The following SLC14A1 variants were observed in gnomAD, a reference collection of about 807,000 sequenced individuals.
SLC14A1 encodes the protein urea transporter 1.
A neutral mutation model predicts 39.6 loss-of-function variants in SLC14A1; 36 were observed. The ratio of observed to expected loss-of-function variants is 0.91; its 90% CI spans 0.70 to 1.20. SLC14A1 has a LOEUF of 1.20. Among genes scored for constraint, SLC14A1 ranks in the 50% most tolerant of loss-of-function variants. SLC14A1 has a pLI of 0.00. For synonymous variants in SLC14A1, 164 were observed against 173.6 expected (o/e 0.94, Z 0.43); for missense variants, 469 against 478.7 (o/e 0.98, Z 0.19).
rs9948825 is a variant in SLC14A1 at position 45,736,496 on chromosome 18, T to C, written c.511T>C (p.Trp171Arg). 1,291 of 1,614,206 alleles carry C rather than the reference T, an allele frequency of 8.0e-4. 5 individuals are homozygous for C. In the African/African-American group the frequency reaches 0.015, roughly 18 times the overall value. Residue 171 changes from tryptophan to arginine, a missense_variant, in exon 6 of 10, where the codon TGG becomes CGG. By Grantham distance (101) the Trp-to-Arg change is moderately radical. Coordinates refer to ENST00000321925, the MANE Select transcript of SLC14A1 (RefSeq NM_015865.7). ...TGCATTGAATTCCATGCTCAGCAAATGGGACCTCCCCGTCTTCACCCTCCC... is the reference window on the plus strand; with the variant it reads ...TGCATTGAATTCCATGCTCAGCAAACGGGACCTCCCCGTCTTCACCCTCCC... ...SSALNSMLSK[W>R]DLPVFTLPFN...
At chr18:45,746,597 G>A (rs1568047790) in intron 8 of SLC14A1, among the ~76,000 whole-genome samples, 1 of 152,174 alleles carries the variant, frequency 6.6e-6, no homozygotes, top group Non-Finnish European at 1.5e-5. Context: ...GGGACAGAGG[G>A]CCCCAGTGCT....
In SLC14A1 at chr18:45,739,157, T is replaced by G. The variant is rs2047282476; in HGVS notation, c.664-6T>G. On this transcript the variant is annotated splice_region_variant and splice_polypyrimidine_tract_variant and intron_variant, in intron 6 of 9. Transcript: ENST00000321925. ...TAGCCTCATTTTTCTTAAATTTCTT[T>G]TGCAGTTGTTGAAATCTATACCAGT... 1.2e-6 allele frequency: 2 copies of G among 1,614,082 alleles called. No individual in the cohort carries two copies. Among genetic ancestry groups the G allele is most frequent in the Non-Finnish European group, 1.7e-6 (2 of 1,180,022 alleles).
In SLC14A1 at chr18:45,734,317, G is replaced by C; in HGVS notation, c.385G>C (p.Val129Leu). The C allele has an allele frequency of 6.2e-7, 1 of 1,614,062 alleles. No individual in the cohort carries two copies. Among genetic ancestry groups the C allele is most frequent in the Non-Finnish European group, 8.5e-7 (1 of 1,179,990 alleles). ...GCTCTATGGCTACAATGCCACCCTG[G>C]TGGGAGTACTCATGGCTGTCTTTTC... ...SGLYGYNATL[V>L]GVLMAVFSDK... The change falls in exon 5 of 10, where the codon GTG (valine) becomes CTG (leucine). Residue 129 changes from valine (V) to leucine (L), a missense_variant. Coordinates refer to ENST00000321925, the MANE Select transcript of SLC14A1 (RefSeq NM_015865.7).
At chr18:45,736,014 T>C (rs2047183467) in intron 5 of SLC14A1, among the ~76,000 whole-genome samples, 1 of 152,178 alleles carries the variant, frequency 6.6e-6, no homozygotes, top group African/African-American at 2.4e-5. Flanking sequence ...CCTTGAACGA[T>C]TGTTTCTCTT....
At chr18:45,746,838 C>G (rs770170623) in intron 8 of SLC14A1, among the ~76,000 whole-genome samples, 1 of 152,138 alleles carries the variant, frequency 6.6e-6, no homozygotes, top group Non-Finnish European at 1.5e-5. Context: ...TTCAAGGTGC[C>G]TTTTTACAGA....
Position 45,739,813 on chromosome 18 carries a change from G to A in SLC14A1, c.946+151G>A, listed in dbSNP as rs16978477. On this transcript the variant is annotated intron_variant, in intron 8 of 9. Transcript: ENST00000321925. ...TAAGTGTGTGAACAGGACAAGTGACGTCCCCTCTCTGAGAGCATTAAAATC... is the reference window on the plus strand; with the variant it reads ...TAAGTGTGTGAACAGGACAAGTGACATCCCCTCTCTGAGAGCATTAAAATC... The A allele has an allele frequency of 9.8e-3, 9,029 of 918,654 alleles. 577 individuals carry two copies. The African/African-American group carries it at 0.13, about 13-fold the overall frequency. 56.9% of individuals were successfully genotyped at this position (918,654 alleles called of 1,614,324 possible).
At chr18:45,744,169 T>A (rs1208484765) in intron 8 of SLC14A1, among the ~76,000 whole-genome samples, 1 of 152,166 alleles carries the variant, frequency 6.6e-6, no homozygotes, top group African/African-American at 2.4e-5. Flanking sequence ...TGCACCACCA[T>A]GCCCAGCTAA....
At chr18:45,740,749 G>C (rs564409) in intron 8 of SLC14A1, among the ~76,000 whole-genome samples, 39,325 of 151,828 alleles carry the variant, frequency 0.26, 6,529 homozygotes, top group Non-Finnish European at 0.37. Context: ...TGTTACCCAG[G>C]CTGATCTTGA....
At chr18:45,727,423 G>A in intron 2 of SLC14A1, 1 of 1,538,912 alleles carries the variant, frequency 6.5e-7, no homozygotes, top group Non-Finnish European at 8.8e-7. Context: ...GAACAGGTAT[G>A]CTTCCTTCGT....
Position 45,752,053 on chromosome 18 carries a change from G to T in SLC14A1, c.*2102G>T. 1 of 985,334 alleles carries T rather than the reference G, an allele frequency of 1.0e-6. No homozygotes were observed. The highest frequency in any genetic ancestry group is 1.2e-6 in the Non-Finnish European group (1 of 829,926). 61.0% of individuals were successfully genotyped at this position (985,334 alleles called of 1,614,324 possible). ...AGGAAACCAAGCAAGCAAACATATC[G>T]TTCCAATTTTAAAACCCAGTGACCA... On this transcript the variant is annotated 3_prime_UTR_variant, in exon 10 of 10. Transcript: ENST00000321925.
At position 45,749,805 on chromosome 18, in the gene SLC14A1, TTC is replaced by T. The variant is rs1412339319; in HGVS notation, c.1026_1027del (p.Phe342LeufsTer24). 1 of 1,614,192 alleles carries T rather than the reference TTC, an allele frequency of 6.2e-7. No individual in the cohort carries two copies. Among genetic ancestry groups the T allele is most frequent in the East Asian group, 2.2e-5 (1 of 44,880 alleles). On this transcript the variant is annotated frameshift_variant, in exon 10 of 10. Transcript: ENST00000321925. LOFTEE classifies it high-confidence loss of function. The part of the protein sequence containing the change: ...EVGLPACTWP[F>X]CLATLLFLIM... ...TGGATTGCCAGCTTGTACCTGGCCC[TTC>T]TGTTTGGCCACGCTATTGTTCCTCA...
intron 8 of SLC14A1, among the ~76,000 whole-genome samples, chr18:45,740,744 C>T (rs141974537): frequency 6.6e-6 from 1 of 151,950 alleles, no homozygotes. Flanking sequence ...CCCTATGTTA[C>T]CCAGGCTGAT....
At chr18:45,725,689 T>G (rs2046845979) in intron 2 of SLC14A1, among the ~76,000 whole-genome samples, 1 of 152,194 alleles carries the variant, frequency 6.6e-6, no homozygotes, top group Non-Finnish European at 1.5e-5. Context: ...GGCCCAAGAC[T>G]GAAAAATTAA....
At chr18:45,727,364 G>A (rs376944791) in intron 2 of SLC14A1, 137 of 1,551,504 alleles carry the variant, frequency 8.8e-5, no homozygotes, top group African/African-American at 6.7e-4. Flanking sequence ...GTGACGCAGC[G>A]CGCAGAGGCA....
chr18:45,736,142 A>C (rs1271646326), intron 5 of SLC14A1, among the ~76,000 whole-genome samples: 2 of 152,214 alleles, frequency 1.3e-5, no homozygotes, highest in Non-Finnish European at 2.9e-5. Context: ...TTAACTATGT[A>C]GATAATATTT....
intron 6 of SLC14A1, 90 bp from the exon 7 acceptor site, chr18:45,739,073 C>A: frequency 7.3e-7 from 1 of 1,361,144 alleles, no homozygotes; most frequent in Non-Finnish European, 1.1e-6. Context: ...TATGTCCAAT[C>A]TAAAATTACA....
chr18:45,732,473 C>T (rs1474748709), intron 4 of SLC14A1, among the ~76,000 whole-genome samples: 1 of 152,188 alleles, frequency 6.6e-6, no homozygotes, highest in African/African-American at 2.4e-5. Flanking sequence ...CTCCCATTTG[C>T]CCTCAAGGAT....
In SLC14A1 at chr18:45,744,628, G is replaced by A. The variant is rs28985570; in HGVS notation, c.947-3748G>A. Among the ~76,000 whole-genome samples, 270 of 151,532 alleles carry A rather than the reference G, an allele frequency of 1.8e-3. 1 individual carries two copies. Among genetic ancestry groups the A allele is most frequent in the African/African-American group, 6.3e-3 (260 of 40,948 alleles). The stretch of plus-strand genomic sequence containing the variant: ...ATATGGTTTTATTTCACTATTATCT[G>A]TCTAGATGTAACTTTTTTTTCTATG... On this transcript the variant is annotated intron_variant, in intron 8 of 9. Transcript: ENST00000321925.
rs1414947682 is a variant in SLC14A1 at position 45,739,315 on chromosome 18, G to A, written c.811+5G>A. On this transcript the variant is annotated splice_donor_5th_base_variant and intron_variant, in intron 7 of 9. Coordinates refer to ENST00000321925, the MANE Select transcript of SLC14A1 (RefSeq NM_015865.7). ...CATTGCTGGGCATAGCAGCGGGTGA[G>A]CACAAGAGCCCTTACCAAATATTGA... is the stretch of plus-strand genomic sequence containing the variant. 3 of 1,614,122 alleles carry A rather than the reference G, an allele frequency of 1.9e-6. No individual in the cohort carries two copies. The East Asian group carries it at 6.7e-5, about 36-fold the overall frequency.
Sources: gnomAD v4.1 joint callset for allele counts (sites outside exome capture counted in the v4.1 genomes callset) on GRCh38, gnomAD v4.1.1 for gene constraint, MANE v1.5 for transcripts, NCBI Gene and HGNC (gene_info 2026-07-23, HGNC 2026-07-21) for gene names.